UBQLN1: variants seen among roughly 807,000 people sequenced by gnomAD.
UBQLN1 encodes ubiquilin-1.
A neutral mutation model predicts 65.4 loss-of-function variants in UBQLN1; 13 were observed. The ratio of observed to expected loss-of-function variants is 0.20; its 90% CI spans 0.13 to 0.32. The LOEUF (loss-of-function observed/expected upper bound fraction) is 0.32, where lower values mean the gene tolerates loss of function less well. Ranked by LOEUF, UBQLN1 falls within the 10% of genes least tolerant of loss-of-function variation. UBQLN1 has a pLI of 1.00. For missense variants in UBQLN1, 561 were observed against 724.0 expected, an observed-to-expected ratio of 0.77 and a Z score of 2.58; for synonymous variants, 267 against 247.8, an observed-to-expected ratio of 1.08 and a Z score of -0.73.
intron 7 of UBQLN1, chr9:83,666,778 A>G (rs1213799267): frequency 1.0e-5 from 2 of 198,574 alleles, no homozygotes; most frequent in South Asian, 1.1e-4. Context: ...TCATGAAGAT[A>G]TATTTTCTAC....
chr9:83,665,205 T>A, intron 8 of UBQLN1, 60 bp from the exon 9 acceptor site: 1 of 1,305,734 alleles, frequency 7.7e-7, no homozygotes, highest in Non-Finnish European at 1.1e-6. Context: ...CGTAAATTTT[T>A]AAATCTTTTC....
intron 1 of UBQLN1, among the ~76,000 whole-genome samples, chr9:83,690,910 G>A (rs1471950344): frequency 6.6e-6 from 1 of 152,148 alleles, no homozygotes; most frequent in Non-Finnish European, 1.5e-5. Flanking sequence ...GGCCAAGGCG[G>A]GTGGATCACC....
intron 6 of UBQLN1, among the ~76,000 whole-genome samples, chr9:83,676,360 A>G (rs1831832215): frequency 6.6e-6 from 1 of 152,326 alleles, no homozygotes; most frequent in Admixed American, 6.5e-5. Flanking sequence ...TTGGTTTTTT[A>G]GACAAAAGTT....
At chr9:83,697,767 A>G (rs1587662409) in intron 1 of UBQLN1, among the ~76,000 whole-genome samples, 2 of 109,600 alleles carry the variant, frequency 1.8e-5, no homozygotes, top group South Asian at 2.6e-4. Flanking sequence ...ACGAAGTCTC[A>G]CTCTTATCCC....
At chr9:83,705,462 C>T (rs1332169653) in intron 1 of UBQLN1, among the ~76,000 whole-genome samples, 1 of 152,188 alleles carries the variant, frequency 6.6e-6, no homozygotes, top group Non-Finnish European at 1.5e-5. Flanking sequence ...GTTGGCCAGG[C>T]TGGTCTCGAA....
intron 7 of UBQLN1, chr9:83,668,826 T>G (rs1040958084): frequency 4.5e-6 from 1 of 221,784 alleles, no homozygotes; most frequent in Non-Finnish European, 7.7e-6. Flanking sequence ...GTATTTCAAA[T>G]GTATTAACAT....
chr9:83,683,108 T>C, intron 2 of UBQLN1, 42 bp from the exon 3 acceptor site: 1 of 1,453,854 alleles, frequency 6.9e-7, no homozygotes, highest in Non-Finnish European at 9.6e-7. Context: ...GTAGAGCTGA[T>C]TATTTTTAAA....
chr9:83,666,528 G>T, intron 7 of UBQLN1, 95 bp from the exon 8 acceptor site: 1 of 1,145,676 alleles, frequency 8.7e-7, no homozygotes, highest in Non-Finnish European at 1.3e-6. Context: ...GCCTCAGCTG[G>T]CACTTAAAAG....
intron 7 of UBQLN1, chr9:83,668,419 A>C (rs577272583): frequency 2.0e-6 from 2 of 985,430 alleles, no homozygotes; most frequent in East Asian, 2.3e-4. Context: ...CAGATTATCA[A>C]GGTTTATTTC....
intron 1 of UBQLN1, among the ~76,000 whole-genome samples, chr9:83,703,883 T>G (rs901366757): frequency 1.3e-5 from 2 of 152,088 alleles, no homozygotes; most frequent in East Asian, 1.9e-4. Flanking sequence ...AATGGAAAAA[T>G]AGGAAAATAA....
At chr9:83,693,910 C>T (rs1180346706) in intron 1 of UBQLN1, among the ~76,000 whole-genome samples, 1 of 152,200 alleles carries the variant, frequency 6.6e-6, no homozygotes, top group African/African-American at 2.4e-5. Flanking sequence ...ACTTATTCTG[C>T]AGGGCTGATG....
At chr9:83,662,361 A>C (rs1831575374) in intron 10 of UBQLN1, among the ~76,000 whole-genome samples, 1 of 151,982 alleles carries the variant, frequency 6.6e-6, no homozygotes, top group African/African-American at 2.4e-5. Flanking sequence ...CCAATTGAGT[A>C]ACTATAAAAG....
intron 9 of UBQLN1, 24 bp from the exon 10 acceptor site, chr9:83,664,067 T>C: frequency 6.3e-7 from 1 of 1,595,088 alleles, no homozygotes; most frequent in African/African-American, 1.4e-5. Flanking sequence ...AAATAGGAAA[T>C]ATCCTAAGGT....
At chr9:83,669,069 T>A (rs913450736) in intron 7 of UBQLN1, 116 bp downstream of exon 7, 1 of 1,210,590 alleles carries the variant, frequency 8.3e-7, no homozygotes, top group African/African-American at 1.6e-5. Flanking sequence ...AGTTTACTTA[T>A]TTTTCTAGTG....
intron 7 of UBQLN1, chr9:83,668,939 G>A: frequency 2.4e-6 from 1 of 416,634 alleles, no homozygotes; most frequent in Non-Finnish European, 4.0e-6. Flanking sequence ...AACATATGTA[G>A]AAACAAACTA....
chr9:83,704,074 C>A (rs1439426762), intron 1 of UBQLN1, among the ~76,000 whole-genome samples: 1 of 152,126 alleles, frequency 6.6e-6, no homozygotes, highest in African/African-American at 2.4e-5. Context: ...AGAGCATAAG[C>A]CTTCAATATT....
chr9:83,667,647 A>T, intron 7 of UBQLN1: 1 of 985,410 alleles, frequency 1.0e-6, no homozygotes, highest in Non-Finnish European at 1.2e-6. Flanking sequence ...GTTATCACAC[A>T]TATCTTTTGG....
chr9:83,661,736 A>C lies in UBQLN1; in HGVS notation c.*51T>G. Reference sequence around the variant, plus strand: ...AAATAAAGCAGGTATTTTAAAGTTTAAGAGCCGTTATCAAAAATAAATTAC... The same window carrying C: ...AAATAAAGCAGGTATTTTAAAGTTTCAGAGCCGTTATCAAAAATAAATTAC... On this transcript the variant is annotated 3_prime_UTR_variant, in exon 11 of 11. Transcript: ENST00000376395. 6.5e-7 allele frequency: 1 copy of C among 1,549,860 alleles called. No individual in the cohort carries two copies. The highest frequency in any genetic ancestry group is 1.2e-5 in the South Asian group (1 of 82,658).
chr9:83,661,732 G>C lies in UBQLN1; in HGVS notation c.*55C>G. ...AATGAAATAAAGCAGGTATTTTAAA[G>C]TTTAAGAGCCGTTATCAAAAATAAA... is the stretch of plus-strand genomic sequence containing the variant. On this transcript the variant is annotated 3_prime_UTR_variant, in exon 11 of 11. Coordinates refer to ENST00000376395, the MANE Select transcript of UBQLN1 (RefSeq NM_013438.5). 6.5e-7 allele frequency: 1 copy of C among 1,543,726 alleles called. No individual in the cohort carries two copies. The highest frequency in any genetic ancestry group is 8.8e-7 in the Non-Finnish European group (1 of 1,142,128).
Sources: gnomAD v4.1 joint callset for allele counts (sites outside exome capture counted in the v4.1 genomes callset) on GRCh38, gnomAD v4.1.1 for gene constraint, MANE v1.5 for transcripts, NCBI Gene and HGNC (gene_info 2026-07-23, HGNC 2026-07-21) for gene names.